MPDZ: variants seen among roughly 807,000 people sequenced by gnomAD.
MPDZ encodes multiple PDZ domain protein.
Under a neutral mutation model 239.1 loss-of-function variants are expected in MPDZ, and 234 were observed. That is an observed-to-expected ratio of 0.98 (90% CI 0.88 to 1.09). The LOEUF (loss-of-function observed/expected upper bound fraction) is 1.09. Ranked by LOEUF, MPDZ falls within the 50% of genes least tolerant of loss-of-function variation. The probability of loss-of-function intolerance (pLI) is 0.00; values close to 1 mark genes in which losing one functional copy is unlikely to be tolerated. For synonymous variants in MPDZ, 1,048 were observed against 881.3 expected, an observed-to-expected ratio of 1.19 and a Z score of -3.35; for missense variants, 3,175 against 2,510.0, an observed-to-expected ratio of 1.26 and a Z score of -5.66.
intron 2 of MPDZ, among the ~76,000 whole-genome samples, chr9:13,248,999 A>AAAAAAAAAAAAAAAAAAAAAAAAAG (rs1967118311): frequency 6.8e-6 from 1 of 146,546 alleles, no homozygotes; most frequent in Non-Finnish European, 1.5e-5. Flanking sequence ...AAAAAAAAAA[A>AAAAAAAAAAAAAAAAAAAAAAAAAG]AAAAAAAAAA....
intron 35 of MPDZ, 93 bp from the exon 36 acceptor site, chr9:13,123,391 G>T: frequency 9.7e-7 from 1 of 1,031,880 alleles, no homozygotes; most frequent in Non-Finnish European, 1.5e-6. Context: ...GAGGGATGGG[G>T]CAGAGAAATG....
chr9:13,106,313 A>G lies in MPDZ; in HGVS notation c.*652T>C, dbSNP rs796892340. 6.6e-5 allele frequency: 10 copies of G among 152,284 alleles called. No homozygotes were observed. Among genetic ancestry groups the G allele is most frequent in the East Asian group, 1.9e-4 (1 of 5,188 alleles). The allele number at this position is 152,284 out of a possible 1,614,324, so 9.4% of individuals were successfully genotyped here. On this transcript the variant is annotated 3_prime_UTR_variant, in exon 47 of 47. Coordinates refer to ENST00000319217, the MANE Select transcript of MPDZ (RefSeq NM_001378778.1). ...TGTGCATTAAATATAATTTCTTTATAAAATTTAGGGACATTGCTTCATGTA... is the reference window on the plus strand; with the variant it reads ...TGTGCATTAAATATAATTTCTTTATGAAATTTAGGGACATTGCTTCATGTA...
At chr9:13,161,708 T>C (rs1340326060) in intron 23 of MPDZ, among the ~76,000 whole-genome samples, 2 of 152,068 alleles carry the variant, frequency 1.3e-5, no homozygotes, top group African/African-American at 2.4e-5. Context: ...GGCCCACAAC[T>C]GAGAGTGTAA....
chr9:13,239,593 A>C (rs1019135922), intron 3 of MPDZ, among the ~76,000 whole-genome samples: 1 of 152,298 alleles, frequency 6.6e-6, no homozygotes, highest in South Asian at 2.1e-4. Context: ...AATTTACTTA[A>C]GTTAAAAACT....
At chr9:13,112,243 T>A (rs1043860088) in intron 42 of MPDZ, 97 bp from the exon 43 acceptor site, 54 of 1,256,562 alleles carry the variant, frequency 4.3e-5, no homozygotes, top group Non-Finnish European at 5.7e-5. Flanking sequence ...ACTCTGATTT[T>A]CTAAGTGTGA....
intron 10 of MPDZ, among the ~76,000 whole-genome samples, chr9:13,208,175 G>A (rs1351959532): frequency 2.6e-5 from 4 of 152,146 alleles, no homozygotes; most frequent in Admixed American, 2.0e-4. Context: ...GGGCGCAGTG[G>A]CTAATGCCTA....
chr9:13,170,449 C>T (rs898167191), intron 21 of MPDZ, among the ~76,000 whole-genome samples: 2 of 152,092 alleles, frequency 1.3e-5, no homozygotes, highest in African/African-American at 4.8e-5. Context: ...GACACCTCTG[C>T]TTACCATAAA....
At position 13,133,890 on chromosome 9, in the gene MPDZ, A is replaced by C. The variant is rs752668698; in HGVS notation, c.4398T>G (p.Val1466=). The change falls in exon 32 of 47, where the codon GTT becomes GTG. Residue 1466 remains valine (V), a synonymous_variant. Transcript: ENST00000319217. ...GGTCCACAGCTGCATCAGAAGTAGT[A>C]ACAGTTGGCTCTGTCTGACAGAGGG... ...NLQNKETEPT[V]TTSDAAVDLS... 3 of 1,590,294 alleles carry C rather than the reference A, an allele frequency of 1.9e-6. No homozygotes were observed. The South Asian group carries it at 3.4e-5, about 18-fold the overall frequency.
At chr9:13,233,968 G>C (rs1395540394) in intron 3 of MPDZ, among the ~76,000 whole-genome samples, 1 of 152,050 alleles carries the variant, frequency 6.6e-6, no homozygotes, top group Non-Finnish European at 1.5e-5. Flanking sequence ...CAAGTGCTCA[G>C]GTAAAGATGA....
chr9:13,210,292 T>C (rs923768885), intron 10 of MPDZ, among the ~76,000 whole-genome samples: 1 of 152,056 alleles, frequency 6.6e-6, no homozygotes, highest in African/African-American at 2.4e-5. Context: ...TAATATCCTA[T>C]ATCAAAGCAA....
At chr9:13,137,286 A>C (rs1458723865) in intron 29 of MPDZ, among the ~76,000 whole-genome samples, 1 of 152,192 alleles carries the variant, frequency 6.6e-6, no homozygotes, top group Non-Finnish European at 1.5e-5. Flanking sequence ...AACTGTGCCT[A>C]AACAGCACAG....
At chr9:13,256,626 T>C (rs747593417) in intron 1 of MPDZ, among the ~76,000 whole-genome samples, 9 of 152,174 alleles carry the variant, frequency 5.9e-5, no homozygotes, top group Non-Finnish European at 1.3e-4. Context: ...GGCCCGTTGA[T>C]GGAGCAGTTG....
chr9:13,193,067 G>T, intron 14 of MPDZ, 100 bp downstream of exon 14: 1 of 1,135,236 alleles, frequency 8.8e-7, no homozygotes, highest in Non-Finnish European at 1.1e-6. Context: ...GTCCCCTTTG[G>T]AGGGGAAATT....
At chr9:13,248,946 C>T (rs1021366930) in intron 2 of MPDZ, among the ~76,000 whole-genome samples, 2 of 126,726 alleles carry the variant, frequency 1.6e-5, no homozygotes, top group African/African-American at 2.9e-5. Flanking sequence ...ACACTCCAGC[C>T]TGGGCGACAG....
At position 13,106,515 on chromosome 9, in the gene MPDZ, G is replaced by C. The variant is rs921039321; in HGVS notation, c.*450C>G. On this transcript the variant is annotated 3_prime_UTR_variant, in exon 47 of 47. Coordinates refer to ENST00000319217, the MANE Select transcript of MPDZ (RefSeq NM_001378778.1). ...CTTTTTTTAGTTTGGGGTGGGGAGA[G>C]GAGGTAGATTGCCAAATTGAGGCAT... 1 of 152,144 alleles carries C rather than the reference G, an allele frequency of 6.6e-6. No individual in the cohort carries two copies. Among genetic ancestry groups the C allele is most frequent in the Non-Finnish European group, 1.5e-5 (1 of 68,324 alleles). The allele number at this position is 152,144 out of a possible 1,614,324, so 9.4% of individuals were successfully genotyped here.
chr9:13,188,317 A>G (rs1413766255), intron 17 of MPDZ, among the ~76,000 whole-genome samples: 3 of 152,270 alleles, frequency 2.0e-5, no homozygotes, highest in African/African-American at 7.2e-5. Context: ...AAGGAGTTCG[A>G]GACCAGCCTG....
chr9:13,238,661 A>G (rs1291412960), intron 3 of MPDZ, among the ~76,000 whole-genome samples: 1 of 152,166 alleles, frequency 6.6e-6, no homozygotes, highest in Non-Finnish European at 1.5e-5. Flanking sequence ...AACTTTAAGA[A>G]AACTCCACAA....
chr9:13,210,714 T>C (rs1222002299), intron 10 of MPDZ, among the ~76,000 whole-genome samples: 1 of 152,058 alleles, frequency 6.6e-6, no homozygotes, highest in Non-Finnish European at 1.5e-5. Flanking sequence ...AAGGGAATGA[T>C]GGGACTCAAA....
At chr9:13,264,114 G>A (rs1475938119) in intron 1 of MPDZ, among the ~76,000 whole-genome samples, 2 of 152,210 alleles carry the variant, frequency 1.3e-5, no homozygotes, top group East Asian at 3.9e-4. Context: ...TATGGAAATT[G>A]AAGTATTTTA....
Sources: gnomAD v4.1 joint callset for allele counts (sites outside exome capture counted in the v4.1 genomes callset) on GRCh38, gnomAD v4.1.1 for gene constraint, MANE v1.5 for transcripts, NCBI Gene and HGNC (gene_info 2026-07-23, HGNC 2026-07-21) for gene names.